Variants in FAF1 observed in about 807,000 individuals in gnomAD.
The protein encoded by FAF1 is Fas associated factor 1, also known as FAS-associated factor 1.
Under a neutral mutation model 92.5 loss-of-function variants are expected in FAF1, and 25 were observed. That is an observed-to-expected ratio of 0.27 (90% confidence interval 0.20 to 0.38). The LOEUF is 0.38. FAF1 is among the 10% of genes least tolerant of loss of function. FAF1 has a pLI of 1.00. For missense variants in FAF1, 636 were observed against 793.3 expected, an observed-to-expected ratio of 0.80 and a Z score of 2.38; for synonymous variants, 234 against 273.2, an observed-to-expected ratio of 0.86 and a Z score of 1.42.
At chr1:50,793,273 A>G (rs991083013) in intron 3 of FAF1, among the ~76,000 whole-genome samples, 1 of 152,182 alleles carries the variant, frequency 6.6e-6, no homozygotes, top group Non-Finnish European at 1.5e-5. Flanking sequence ...ATTTTCCTCT[A>G]AGATTTCCAT....
chr1:50,444,672 C>T (rs1646207927), intron 18 of FAF1, among the ~76,000 whole-genome samples: 1 of 152,180 alleles, frequency 6.6e-6, no homozygotes, highest in Non-Finnish European at 1.5e-5. Context: ...TTATCGAGTG[C>T]CTACTATGTA....
intron 18 of FAF1, among the ~76,000 whole-genome samples, chr1:50,465,116 T>C (rs1272164836): frequency 6.6e-6 from 1 of 152,244 alleles, no homozygotes; most frequent in Non-Finnish European, 1.5e-5. Flanking sequence ...AAAGAATCAC[T>C]ACCGTCACAT....
chr1:50,637,681 A>G (rs199718970), intron 8 of FAF1, among the ~76,000 whole-genome samples: 9,221 of 137,044 alleles, frequency 0.067, 392 homozygotes, highest in East Asian at 0.091. Flanking sequence ...ACATATATAT[A>G]TGTGTGTGTG....
At chr1:50,641,556 C>A (rs892010141) in intron 8 of FAF1, among the ~76,000 whole-genome samples, 2 of 152,136 alleles carry the variant, frequency 1.3e-5, no homozygotes, top group Admixed American at 6.5e-5. Flanking sequence ...TAATTACAAT[C>A]ATCTAATGTG....
intron 8 of FAF1, among the ~76,000 whole-genome samples, chr1:50,619,572 C>T (rs369248360): frequency 6.6e-6 from 1 of 152,118 alleles, no homozygotes; most frequent in East Asian, 1.9e-4. Flanking sequence ...TCTCTTTTAG[C>T]TTGTAGGGTT....
chr1:50,889,471 A>G (rs1167995480), intron 1 of FAF1, among the ~76,000 whole-genome samples: 4 of 152,094 alleles, frequency 2.6e-5, no homozygotes, highest in Admixed American at 6.6e-5. Flanking sequence ...TGTCAATTTT[A>G]GATCTTTCCT....
chr1:50,569,743 G>C (rs1031435059), intron 12 of FAF1, among the ~76,000 whole-genome samples: 10 of 152,266 alleles, frequency 6.6e-5, no homozygotes, highest in African/African-American at 2.4e-4. Flanking sequence ...CTTTGGGAAA[G>C]AGATTAGTGA....
intron 13 of FAF1, among the ~76,000 whole-genome samples, chr1:50,561,532 T>C (rs1649899048): frequency 6.6e-6 from 1 of 152,124 alleles, no homozygotes; most frequent in Non-Finnish European, 1.5e-5. Context: ...ACTTACTCTT[T>C]AAAAGGTAGT....
In FAF1 at chr1:50,485,667, C is replaced by CAAAAA. The variant is rs999538430; in HGVS notation, c.1653+4916_1653+4920dup. On this transcript the variant is annotated intron_variant, in intron 17 of 18. Transcript: ENST00000396153. ...CCTGGGCAACAGAGCGAGACTGTCT[C>CAAAAA]AAAAAAAAAAAAAAAAAAAAAAAAA... is the stretch of plus-strand genomic sequence containing the variant. Among the ~76,000 whole-genome samples the CAAAAA allele has an allele frequency of 6.2e-3, 85 of 13,680 alleles. 3 individuals carry two copies. Among genetic ancestry groups the CAAAAA allele is most frequent in the African/African-American group, 0.019 (79 of 4,238 alleles). 9.0% of individuals were successfully genotyped at this position (13,680 alleles called of 152,430 possible).
chr1:50,921,043 T>C (rs1644958877), intron 1 of FAF1, among the ~76,000 whole-genome samples: 1 of 152,194 alleles, frequency 6.6e-6, no homozygotes, highest in Non-Finnish European at 1.5e-5. Flanking sequence ...ATTAAAAACC[T>C]CTAGAAGAAA....
chr1:50,940,522 A>C (rs1481939015), intron 1 of FAF1, among the ~76,000 whole-genome samples: 1 of 152,090 alleles, frequency 6.6e-6, no homozygotes, highest in Non-Finnish European at 1.5e-5. Context: ...TGCCTCCCAA[A>C]GTGCTGGGAT....
intron 18 of FAF1, among the ~76,000 whole-genome samples, chr1:50,442,585 C>G (rs1472433169): frequency 2.0e-5 from 3 of 152,216 alleles, no homozygotes; most frequent in Non-Finnish European, 4.4e-5. Flanking sequence ...CAAGCAATCT[C>G]TAGTCAGGCC....
intron 7 of FAF1, among the ~76,000 whole-genome samples, chr1:50,692,733 T>C (rs1656995355): frequency 6.6e-6 from 1 of 152,196 alleles, no homozygotes; most frequent in African/African-American, 2.4e-5. Flanking sequence ...TGAACAATGC[T>C]TCAATGAATA....
chr1:50,630,779 C>T (rs1653738596), intron 8 of FAF1, among the ~76,000 whole-genome samples: 1 of 151,144 alleles, frequency 6.6e-6, no homozygotes, highest in African/African-American at 2.4e-5. Flanking sequence ...TCGTAGTCTC[C>T]CCTTATCTGT....
intron 2 of FAF1, among the ~76,000 whole-genome samples, chr1:50,823,923 G>A (rs772039640): frequency 1.1e-4 from 16 of 152,040 alleles, no homozygotes; most frequent in Non-Finnish European, 1.5e-4. Context: ...CTTGTGACAG[G>A]AGATAAAAAT....
At chr1:50,933,993 G>A (rs1435396213) in intron 1 of FAF1, among the ~76,000 whole-genome samples, 2 of 152,140 alleles carry the variant, frequency 1.3e-5, no homozygotes, top group Non-Finnish European at 2.9e-5. Flanking sequence ...ACAACACGTG[G>A]GACTTCTGGG....
intron 1 of FAF1, among the ~76,000 whole-genome samples, chr1:50,876,158 T>C (rs951319695): frequency 2.0e-5 from 3 of 152,178 alleles, no homozygotes; most frequent in Non-Finnish European, 4.4e-5. Context: ...ACACAGTACT[T>C]GAGCAGGCTT....
intron 17 of FAF1, among the ~76,000 whole-genome samples, chr1:50,485,667 C>CAAAAAAAAAAAAAAAAAAAAAAAACAA (rs1646756695): frequency 7.3e-5 from 1 of 13,716 alleles, no homozygotes; most frequent in Non-Finnish European, 1.4e-4. Context: ...GAGACTGTCT[C>CAAAAAAAAAAAAAAAAAAAAAAAACAA]AAAAAAAAAA....
At chr1:50,616,738 T>C (rs1017241228) in intron 8 of FAF1, among the ~76,000 whole-genome samples, 5 of 151,834 alleles carry the variant, frequency 3.3e-5, no homozygotes, top group African/African-American at 4.8e-5. Context: ...TAAAGTACAG[T>C]GGCACAATCT....
Sources: allele counts gnomAD v4.1 joint callset (sites outside exome capture counted in the v4.1 genomes callset), GRCh38; gene constraint gnomAD v4.1.1; transcripts MANE v1.5; gene names NCBI Gene and HGNC (gene_info 2026-07-23, HGNC 2026-07-21).